POPDC3: variants seen among roughly 807,000 people sequenced by gnomAD.
POPDC3 encodes popeye domain cAMP effector 3.
In POPDC3, 20 loss-of-function variants were observed where a neutral mutation model predicts 28.2. The observed-to-expected ratio is 0.71, with a 90% CI of 0.50 to 1.03. The LOEUF is 1.03. Among genes scored for constraint, POPDC3 ranks in the 50% least tolerant of loss-of-function variants. The pLI is 0.00. For missense variants in POPDC3, 316 were observed against 345.9 expected, an observed-to-expected ratio of 0.91 and a Z score of 0.69; for synonymous variants, 118 against 124.1, an observed-to-expected ratio of 0.95 and a Z score of 0.33.
At position 105,159,827 on chromosome 6, in the gene POPDC3, A is replaced by C. The variant is rs1382810258; in HGVS notation, c.486-8T>G. The C allele has an allele frequency of 1.9e-6, 3 of 1,583,462 alleles. No homozygotes were observed. The highest frequency in any genetic ancestry group is 2.6e-6 in the Non-Finnish European group (3 of 1,152,740). On this transcript the variant is annotated splice_region_variant and splice_polypyrimidine_tract_variant and intron_variant, in intron 2 of 3. Coordinates refer to ENST00000254765, the MANE Select transcript of POPDC3 (RefSeq NM_022361.5). ...TCAACTGTCACTCTGATCCTATCAA[A>C]ACACAAGAACAACATTTATAAGGGA...
intron 1 of POPDC3, among the ~76,000 whole-genome samples, chr6:105,164,970 ACTGCATTTATTGCAACAGAACTT>A (rs1774428401): frequency 6.6e-6 from 1 of 152,254 alleles, no homozygotes; most frequent in Non-Finnish European, 1.5e-5. Flanking sequence ...TTAGCTAGAA[ACTGCATTTATTGCAACAGAACTT>A]CTGCATTTAT....
At chr6:105,167,837 G>A (rs960024618) in intron 1 of POPDC3, among the ~76,000 whole-genome samples, 1 of 151,878 alleles carries the variant, frequency 6.6e-6, no homozygotes, top group East Asian at 1.9e-4. Context: ...AGTGGGTTAA[G>A]TAAAACCTAT....
intron 1 of POPDC3, among the ~76,000 whole-genome samples, chr6:105,167,261 T>C (rs907373767): frequency 6.7e-6 from 1 of 149,330 alleles, no homozygotes; most frequent in Non-Finnish European, 1.5e-5. Flanking sequence ...AACTCAGTTT[T>C]AGCCATGTTT....
At chr6:105,176,952 A>G in intron 1 of POPDC3, 2 of 167,990 alleles carry the variant, frequency 1.2e-5, no homozygotes, top group Non-Finnish European at 2.4e-5. Flanking sequence ...GATAGAAACT[A>G]TTTTTACCTT....
At position 105,179,199 on chromosome 6, in the gene POPDC3, ATTTC is replaced by A. The variant is rs990954943; in HGVS notation, c.-252+630_-252+633del. The A allele has an allele frequency of 4.1e-6, 4 of 985,238 alleles. No homozygotes were observed. In the African/African-American group the frequency reaches 7.0e-5, roughly 17 times the overall value. 61.0% of individuals were successfully genotyped at this position (985,238 alleles called of 1,614,324 possible). A position where few individuals can be genotyped will look rare whatever the true frequency, so the allele number is the denominator to read the frequency against. On this transcript the variant is annotated intron_variant, in intron 1 of 3. Transcript: ENST00000254765. ...GATAAGACAATTTAGGGGTTGGCAAATTTCTTTTTTGGCAGGGGGATCCCCAAAT... is the reference window on the plus strand; with the variant it reads ...GATAAGACAATTTAGGGGTTGGCAAATTTTTTGGCAGGGGGATCCCCAAAT...
In POPDC3 at chr6:105,161,844, C is replaced by T. The variant is rs138800520; in HGVS notation, c.66G>A (p.Lys22=). 2.5e-6 allele frequency: 4 copies of T among 1,614,072 alleles called. No homozygotes were observed. Among genetic ancestry groups the T allele is most frequent in the Non-Finnish European group, 3.4e-6 (4 of 1,179,978 alleles). The change falls in exon 2 of 4, where the codon AAG becomes AAA. Residue 22 remains lysine, a synonymous_variant. Coordinates refer to ENST00000254765, the MANE Select transcript of POPDC3 (RefSeq NM_022361.5). ...GATAAATGGCTCCTTCGGCCTCTTG[C>T]TTCCAGGTTGTGCAGACTGGGTGTT... ...IDEHPVCTTW[K]QEAEGAIYHL...
intron 1 of POPDC3, among the ~76,000 whole-genome samples, chr6:105,164,132 A>G (rs1186531319): frequency 6.6e-6 from 1 of 152,242 alleles, no homozygotes; most frequent in East Asian, 1.9e-4. Flanking sequence ...CAGGATACCA[A>G]ACACACCCAC....
At position 105,175,375 on chromosome 6, in the gene POPDC3, CAAAAAA is replaced by C. The variant is rs60678447; in HGVS notation, c.-252+4452_-252+4457del. ...GTAACACAGTGAGACCCTAACTCTC[CAAAAAA>C]AAAAAAAAAAGCTGGGTGCCATGGT... On this transcript the variant is annotated intron_variant, in intron 1 of 3. Transcript: ENST00000254765. Among the ~76,000 whole-genome samples the C allele has an allele frequency of 7.0e-4, 69 of 99,080 alleles. No individual in the cohort carries two copies. In the Admixed American group the frequency reaches 7.4e-3, roughly 11 times the overall value. 65.0% of individuals were successfully genotyped at this position (99,080 alleles called of 152,430 possible).
chr6:105,175,553 A>G (rs954629343), intron 1 of POPDC3, among the ~76,000 whole-genome samples: 3 of 150,788 alleles, frequency 2.0e-5, no homozygotes, highest in Admixed American at 6.6e-5. Flanking sequence ...TTAAAAAAAT[A>G]AAAAATAGGC....
rs116235847 is a variant in POPDC3, at chr6:105,165,635, G to A, written c.-251-3475C>T. Among the ~76,000 whole-genome samples the A allele has an allele frequency of 2.7e-3, 411 of 152,296 alleles. 5 individuals are homozygous for A. The highest frequency in any genetic ancestry group is 9.4e-3 in the African/African-American group (389 of 41,554). On this transcript the variant is annotated intron_variant, in intron 1 of 3. Coordinates refer to ENST00000254765, the MANE Select transcript of POPDC3 (RefSeq NM_022361.5). ...TTAAGTGCAAAAACACAGAGGAGCT[G>A]GGGCATCACTTTTTCAAAATGCCTG...
At chr6:105,166,864 ATGGT>A (rs1377335180) in intron 1 of POPDC3, among the ~76,000 whole-genome samples, 2 of 79,986 alleles carry the variant, frequency 2.5e-5, no homozygotes, top group Admixed American at 1.7e-4. Context: ...ATGAACATAG[ATGGT>A]TGTGTGTGTG....
intron 1 of POPDC3, chr6:105,169,192 C>T (rs1774523030): frequency 1.3e-5 from 2 of 152,196 alleles, no homozygotes; most frequent in African/African-American, 4.8e-5. Flanking sequence ...CATTAATAAT[C>T]TATATTTTAT....
At chr6:105,168,455 C>T (rs1158861125) in intron 1 of POPDC3, among the ~76,000 whole-genome samples, 2 of 152,156 alleles carry the variant, frequency 1.3e-5, no homozygotes, top group African/African-American at 2.4e-5. Context: ...GAGAACATGC[C>T]GACAGGCTAC....
intron 1 of POPDC3, 86 bp from the exon 2 acceptor site, chr6:105,162,246 G>T: frequency 1.4e-6 from 1 of 737,462 alleles, no homozygotes; most frequent in Non-Finnish European, 1.7e-6. Flanking sequence ...GCATTACTTA[G>T]CAAGCTGACC....
chr6:105,178,632 A>C, intron 1 of POPDC3: 4 of 605,938 alleles, frequency 6.6e-6, no homozygotes, highest in Non-Finnish European at 6.2e-6. Context: ...ACAGAACCTC[A>C]GAGATATCTG....
chr6:105,161,045 TAAAAG>T lies in POPDC3; in HGVS notation c.485+375_485+379del, dbSNP rs568769296. Among the ~76,000 whole-genome samples, 291 of 152,314 alleles carry T rather than the reference TAAAAG, an allele frequency of 1.9e-3. 1 individual carries two copies. Among genetic ancestry groups the T allele is most frequent in the African/African-American group, 6.7e-3 (279 of 41,578 alleles). Reference sequence around the variant, plus strand: ...TAAAATTTAAATGTTTTCTGTTACTTAAAAGAAAGCCCTATCAAAGAGTCTTTAAA... The same window carrying T: ...TAAAATTTAAATGTTTTCTGTTACTTAAAGCCCTATCAAAGAGTCTTTAAA... On this transcript the variant is annotated intron_variant, in intron 2 of 3. Coordinates refer to ENST00000254765, the MANE Select transcript of POPDC3 (RefSeq NM_022361.5).
chr6:105,175,842 C>CA lies in POPDC3; in HGVS notation c.-252+3990dup, dbSNP rs573368119. The stretch of plus-strand genomic sequence containing the variant: ...GGGGTGACAGAGTGAGACTCTGTCT[C>CA]AAAAAATAAATAAAGAAAGAAAGAA... On this transcript the variant is annotated intron_variant, in intron 1 of 3. Transcript: ENST00000254765. Among the ~76,000 whole-genome samples the CA allele has an allele frequency of 8.7e-5, 13 of 150,120 alleles. No homozygotes were observed. In the South Asian group the frequency reaches 2.7e-3, roughly 31 times the overall value.
chr6:105,160,223 T>G (rs1774291494), intron 2 of POPDC3: 1 of 155,370 alleles, frequency 6.4e-6, no homozygotes, highest in Admixed American at 6.4e-5. Context: ...TATTTTTTAT[T>G]TATTTTTTGA....
Position 105,162,078 on chromosome 6 carries a change from A to C in POPDC3, c.-169T>G. On this transcript the variant is annotated 5_prime_UTR_variant, in exon 2 of 4. Coordinates refer to ENST00000254765, the MANE Select transcript of POPDC3 (RefSeq NM_022361.5). Reference sequence around the variant, plus strand: ...AAAGGCTTCGTGTGTACGGATCTTGAAAAACTAAGAATCCCATGCTCGCTT... The same window carrying C: ...AAAGGCTTCGTGTGTACGGATCTTGCAAAACTAAGAATCCCATGCTCGCTT... 2.9e-6 allele frequency: 4 copies of C among 1,358,258 alleles called. No homozygotes were observed. Among genetic ancestry groups the C allele is most frequent in the Non-Finnish European group, 3.8e-6 (4 of 1,061,518 alleles). 84.1% of individuals were successfully genotyped at this position (1,358,258 alleles called of 1,614,324 possible). A position where few individuals can be genotyped will look rare whatever the true frequency, so the allele number is the denominator to read the frequency against.
Sources: allele counts gnomAD v4.1 joint callset (sites outside exome capture counted in the v4.1 genomes callset), GRCh38; gene constraint gnomAD v4.1.1; transcripts MANE v1.5; gene names NCBI Gene and HGNC (gene_info 2026-07-23, HGNC 2026-07-21).